Variants in CDH13 observed in about 807,000 individuals in gnomAD.
CDH13 encodes cadherin-13.
A neutral mutation model predicts 63.8 loss-of-function variants in CDH13; 24 were observed. That is an observed-to-expected ratio of 0.38 (90% CI 0.27 to 0.53). CDH13 has a LOEUF of 0.53. Ranked by LOEUF, CDH13 falls within the 20% of genes least tolerant of loss-of-function variation. CDH13 has a pLI of 0.85. For synonymous variants in CDH13, 503 were observed against 355.3 expected (o/e 1.42, Z -4.67); for missense variants, 1,049 against 903.1 (o/e 1.16, Z -2.07).
intron 6 of CDH13, among the ~76,000 whole-genome samples, chr16:83,347,598 C>T (rs914844639): frequency 6.6e-6 from 1 of 152,188 alleles, no homozygotes; most frequent in African/African-American, 2.4e-5. Context: ...CATGATCCCA[C>T]TTCCTGCCCT....
At chr16:83,759,694 A>G (rs1055951458) in intron 11 of CDH13, among the ~76,000 whole-genome samples, 2 of 152,154 alleles carry the variant, frequency 1.3e-5, no homozygotes, top group Non-Finnish European at 2.9e-5. Flanking sequence ...TGGGAAGCCA[A>G]GGTGGGCAGA....
intron 6 of CDH13, among the ~76,000 whole-genome samples, chr16:83,354,424 A>T (rs1215355940): frequency 6.6e-6 from 1 of 152,204 alleles, no homozygotes; most frequent in African/African-American, 2.4e-5. Context: ...GAGTCAGATA[A>T]TATTATAGGG....
chr16:83,562,625 G>GT (rs1392649852), intron 7 of CDH13, among the ~76,000 whole-genome samples: 3 of 152,158 alleles, frequency 2.0e-5, no homozygotes, highest in African/African-American at 7.2e-5. Context: ...GATTGTCTTT[G>GT]TTCTTCATGA....
intron 3 of CDH13, among the ~76,000 whole-genome samples, chr16:83,119,097 C>G (rs2035445437): frequency 6.6e-6 from 1 of 152,190 alleles, no homozygotes; most frequent in Admixed American, 6.5e-5. Flanking sequence ...CATGGTCAAG[C>G]CTAGCAGCCT....
At chr16:83,420,773 A>T (rs1404775851) in intron 6 of CDH13, among the ~76,000 whole-genome samples, 1 of 152,220 alleles carries the variant, frequency 6.6e-6, no homozygotes, top group African/African-American at 2.4e-5. Context: ...AACTAGGGAA[A>T]CCAACAATGC....
At chr16:83,022,840 T>C (rs978194612) in intron 2 of CDH13, among the ~76,000 whole-genome samples, 2 of 152,204 alleles carry the variant, frequency 1.3e-5, no homozygotes, top group African/African-American at 4.8e-5. Context: ...AGTGTATAAA[T>C]CACAGATTGG....
chr16:82,950,962 C>CATGTTGG (rs1905232768), intron 2 of CDH13, among the ~76,000 whole-genome samples: 1 of 152,080 alleles, frequency 6.6e-6, no homozygotes, highest in Non-Finnish European at 1.5e-5. Flanking sequence ...TAGAACTCTC[C>CATGTTGG]AACTGCTATG....
chr16:82,929,773 T>G (rs1470161183), intron 2 of CDH13, among the ~76,000 whole-genome samples: 2 of 147,266 alleles, frequency 1.4e-5, no homozygotes, highest in Non-Finnish European at 3.0e-5. Context: ...TCCAGAGCTA[T>G]AAGAAATAAA....
At chr16:83,008,333 A>G (rs1338584944) in intron 2 of CDH13, among the ~76,000 whole-genome samples, 1 of 152,202 alleles carries the variant, frequency 6.6e-6, no homozygotes. Context: ...TAGATGCCAG[A>G]AGGAAGTTAG....
At chr16:83,626,369 C>A (rs146126256) in intron 8 of CDH13, among the ~76,000 whole-genome samples, 1 of 152,204 alleles carries the variant, frequency 6.6e-6, no homozygotes, top group African/African-American at 2.4e-5. Flanking sequence ...GGCGTTGTCA[C>A]CGGGATAACT....
chr16:83,773,219 C>A lies in CDH13; in HGVS notation c.1682-6749C>A, dbSNP rs145048680. Among the ~76,000 whole-genome samples, 396 of 152,298 alleles carry A rather than the reference C, an allele frequency of 2.6e-3. 1 individual carries two copies. The highest frequency in any genetic ancestry group is 9.1e-3 in the African/African-American group (377 of 41,554). On this transcript the variant is annotated intron_variant, in intron 11 of 13. Transcript: ENST00000567109. ...AACAGGTTGGAAGATTTACATCTCA[C>A]AGGGACAGAGAAAGAATTTACAATT... is the stretch of plus-strand genomic sequence containing the variant.
intron 4 of CDH13, among the ~76,000 whole-genome samples, chr16:83,140,838 C>A (rs1270169102): frequency 1.3e-5 from 2 of 152,328 alleles, no homozygotes; most frequent in Non-Finnish European, 2.9e-5. Flanking sequence ...CCTTGTTTCT[C>A]CCTCCTGGGA....
At chr16:83,418,051 T>G (rs1469079289) in intron 6 of CDH13, among the ~76,000 whole-genome samples, 2 of 152,204 alleles carry the variant, frequency 1.3e-5, no homozygotes, top group Non-Finnish European at 2.9e-5. Flanking sequence ...TTCTCCTTTT[T>G]AATCATGCAG....
intron 3 of CDH13, among the ~76,000 whole-genome samples, chr16:83,088,932 T>G (rs1309717192): frequency 2.0e-5 from 3 of 152,304 alleles, no homozygotes; most frequent in African/African-American, 7.2e-5. Flanking sequence ...AACATAAGCA[T>G]GGCCATTCAT....
intron 1 of CDH13, among the ~76,000 whole-genome samples, chr16:82,827,167 A>T (rs1038188263): frequency 6.6e-6 from 1 of 152,162 alleles, no homozygotes; most frequent in Non-Finnish European, 1.5e-5. Flanking sequence ...AATATAGTAA[A>T]ATGTAGTTGT....
At chr16:83,495,795 G>A (rs895106584) in intron 7 of CDH13, among the ~76,000 whole-genome samples, 7 of 152,148 alleles carry the variant, frequency 4.6e-5, no homozygotes, top group Admixed American at 1.3e-4. Context: ...GTCTTAGATA[G>A]GAATTTGGGC....
At chr16:82,989,543 T>G (rs1911389472) in intron 2 of CDH13, among the ~76,000 whole-genome samples, 1 of 152,126 alleles carries the variant, frequency 6.6e-6, no homozygotes, top group Admixed American at 6.5e-5. Flanking sequence ...TCATGTCAAT[T>G]TTCTTGTTTG....
At chr16:83,090,674 G>C (rs888743061) in intron 3 of CDH13, among the ~76,000 whole-genome samples, 1 of 151,832 alleles carries the variant, frequency 6.6e-6, no homozygotes, top group Non-Finnish European at 1.5e-5. Context: ...TAATCCCTCT[G>C]ACTGACTCTC....
chr16:83,321,305 G>C (rs577754206), intron 5 of CDH13, among the ~76,000 whole-genome samples: 51 of 152,258 alleles, frequency 3.3e-4, no homozygotes, highest in African/African-American at 1.1e-3. Flanking sequence ...CAGAAAGCTC[G>C]TGGCAATGTG....
Sources: allele counts gnomAD v4.1 joint callset (sites outside exome capture counted in the v4.1 genomes callset), GRCh38; gene constraint gnomAD v4.1.1; transcripts MANE v1.5; gene names NCBI Gene and HGNC (gene_info 2026-07-23, HGNC 2026-07-21).